Variants in ATXN3 observed in about 807,000 individuals in gnomAD.
ATXN3 encodes ataxin 3.
In ATXN3, 28 loss-of-function variants were observed where a neutral mutation model predicts 58.2. The ratio of observed to expected loss-of-function variants is 0.48; its 90% CI spans 0.36 to 0.66. The LOEUF is 0.66. ATXN3 is among the 30% of genes least tolerant of loss of function. The pLI, the probability that ATXN3 is intolerant of heterozygous loss-of-function variation, is 0.00. For missense variants in ATXN3, 321 were observed against 422.1 expected (o/e 0.76, Z 2.10); for synonymous variants, 113 against 138.5 (o/e 0.82, Z 1.29).
At chr14:92,068,915 A>T (rs1195152316) in intron 10 of ATXN3, among the ~76,000 whole-genome samples, 1 of 151,938 alleles carries the variant, frequency 6.6e-6, no homozygotes, top group African/African-American at 2.4e-5. Context: ...ACAAATGTTG[A>T]GGTGTTTTGG....
At chr14:92,052,832 G>A (rs1416391152), upstream of ATXN3, among the ~76,000 whole-genome samples, 2 of 152,164 alleles carry the variant, frequency 1.3e-5, no homozygotes, top group African/African-American at 4.8e-5. Context: ...TGAATATCCT[G>A]CCTCCAGACT....
At chr14:92,082,510 T>A (rs747520532) in intron 7 of ATXN3, 44 bp from the exon 8 acceptor site, 1 of 1,537,548 alleles carries the variant, frequency 6.5e-7, no homozygotes, top group Non-Finnish European at 8.9e-7. Flanking sequence ...CAATCTTCTA[T>A]TTTAGACATA....
At chr14:92,074,420 A>C (rs10143456) in intron 9 of ATXN3, among the ~76,000 whole-genome samples, 43,828 of 152,144 alleles carry the variant, frequency 0.29, 6,732 homozygotes, top group East Asian at 0.44. Context: ...GGGAGATGCC[A>C]GTCCCAAAAT....
upstream of ATXN3, among the ~76,000 whole-genome samples, chr14:92,050,143 C>T (rs199658494): frequency 6.1e-5 from 9 of 147,692 alleles, no homozygotes; most frequent in African/African-American, 5.0e-5. Context: ...ACTTTGCTCT[C>T]GTGTGTGTGT....
chr14:92,049,864 G>C (rs1402892267), upstream of ATXN3: 1 of 152,234 alleles, frequency 6.6e-6, no homozygotes, highest in Non-Finnish European at 1.5e-5. Flanking sequence ...GAGCAATCCA[G>C]GCAGAAAGAA....
chr14:92,092,465 C>T (rs2141031738), intron 5 of ATXN3, among the ~76,000 whole-genome samples: 1 of 152,330 alleles, frequency 6.6e-6, no homozygotes, highest in African/African-American at 2.4e-5. Context: ...GTACGTATTA[C>T]ATGGCTTTTG....
At position 92,082,351 on chromosome 14, in the gene ATXN3, T is replaced by A. The variant is rs767543973; in HGVS notation, c.724A>T (p.Met242Leu). 1.2e-6 allele frequency: 2 copies of A among 1,614,172 alleles called. No homozygotes were observed. Among genetic ancestry groups the A allele is most frequent in the Non-Finnish European group, 1.7e-6 (2 of 1,180,042 alleles). Residue 242 changes from methionine to leucine, a missense_variant, in exon 8 of 11, where the codon ATG becomes TTG. Coordinates refer to ENST00000644486, the MANE Select transcript of ATXN3 (RefSeq NM_004993.6). ...CGGAGATCTGCTTCCTCATCTTCCA[T>A]GTCAATTTCTTGGCGACTTAGTGCC... ...ALALSRQEID[M>L]EDEEADLRRA...
downstream of ATXN3, among the ~76,000 whole-genome samples, chr14:92,056,742 T>C (rs1317971333): frequency 1.3e-5 from 2 of 152,060 alleles, no homozygotes; most frequent in Non-Finnish European, 2.9e-5. Flanking sequence ...TCTGCAACCC[T>C]TAGGATTAAG....
intron 6 of ATXN3, 120 bp from the exon 7 acceptor site, chr14:92,083,378 CAG>C: frequency 1.0e-6 from 1 of 994,220 alleles, no homozygotes; most frequent in South Asian, 1.6e-5. Context: ...GCTGAGGATT[CAG>C]AAAGACTTTA....
At chr14:92,050,103 C>T (rs1027072658), upstream of ATXN3, among the ~76,000 whole-genome samples, 4 of 151,596 alleles carry the variant, frequency 2.6e-5, no homozygotes, top group African/African-American at 7.3e-5. Context: ...GATGTGATGT[C>T]TTGGATGTGC....
chr14:92,083,107 C>T lies in ATXN3; in HGVS notation c.608+19G>A, dbSNP rs2061764119. On this transcript the variant is annotated intron_variant, in intron 7 of 10. Coordinates refer to ENST00000644486, the MANE Select transcript of ATXN3 (RefSeq NM_004993.6). ...ATGAAATACTACCATATATTCCATA[C>T]TGCAGGCCTCATTTTTACCTTTGCT... The T allele has an allele frequency of 6.2e-7, 1 of 1,605,056 alleles. No homozygotes were observed. Among genetic ancestry groups the T allele is most frequent in the Admixed American group, 1.7e-5 (1 of 57,534 alleles).
intron 1 of ATXN3, chr14:92,049,519 T>G (rs1190965294): frequency 6.5e-6 from 1 of 153,212 alleles, no homozygotes; most frequent in East Asian, 1.9e-4. Context: ...GAAAAAGAAC[T>G]GGAATTGGAA....
intron 9 of ATXN3, among the ~76,000 whole-genome samples, chr14:92,076,646 A>G (rs1021038255): frequency 2.0e-5 from 3 of 151,808 alleles, no homozygotes; most frequent in African/African-American, 7.3e-5. Flanking sequence ...TTTTGACAAA[A>G]AAGACTCTGA....
At chr14:92,051,370 G>A (rs553927903), upstream of ATXN3, among the ~76,000 whole-genome samples, 2 of 152,254 alleles carry the variant, frequency 1.3e-5, no homozygotes, top group African/African-American at 4.8e-5. Context: ...ATTGTAAAGT[G>A]CTTCTGTTTT....
rs557300501 is a variant in ATXN3, at chr14:92,075,426, G to A, written c.873-4373C>T. On this transcript the variant is annotated intron_variant, in intron 9 of 10. Transcript: ENST00000644486. ...AGATGATTCGCCTGCCTTGGCCTCC[G>A]AAAGTGCTGGGATTACAAGCGTGAG... Among the ~76,000 whole-genome samples the A allele has an allele frequency of 1.1e-3, 169 of 152,146 alleles. 2 individuals carry two copies. Among genetic ancestry groups the A allele is most frequent in the Admixed American group, 0.011 (168 of 15,274 alleles).
rs747804276 is a variant in ATXN3 at position 92,071,044 on chromosome 14, T to TGCTGCTGCTGCTGCTGCTGCTGCTGC, written c.881_882insGCAGCAGCAGCAGCAGCAGCAGCAGC (p.Lys295GlnfsTer45). On this transcript the variant is annotated frameshift_variant, in exon 10 of 11. Coordinates refer to ENST00000644486, the MANE Select transcript of ATXN3 (RefSeq NM_004993.6). LOFTEE classifies it high-confidence loss of function. ...GCTGCTGCTGCTGCTGTTGCTGCTT[T>TGCTGCTGCTGCTGCTGCTGCTGCTGC]TGCTGCTGTCTGAAACATTCAAAAG... 1 of 376,952 alleles carries TGCTGCTGCTGCTGCTGCTGCTGCTGC rather than the reference T, an allele frequency of 2.7e-6. No individual in the cohort carries two copies. Among genetic ancestry groups the TGCTGCTGCTGCTGCTGCTGCTGCTGC allele is most frequent in the African/African-American group, 6.5e-5 (1 of 15,404 alleles). 23.4% of individuals were successfully genotyped at this position (376,952 alleles called of 1,614,324 possible).
intron 10 of ATXN3, among the ~76,000 whole-genome samples, chr14:92,065,798 G>A (rs565772024): frequency 6.6e-6 from 1 of 152,202 alleles, no homozygotes; most frequent in South Asian, 2.1e-4. Flanking sequence ...GGAGAATGGC[G>A]TGAACCCGGG....
In ATXN3 at chr14:92,094,360, C is replaced by A. The variant is rs992685573; in HGVS notation, c.235-529G>T. 3.3e-5 allele frequency among the ~76,000 whole-genome samples: 5 copies of A among 152,314 alleles called. No individual in the cohort carries two copies. The South Asian group carries it at 8.3e-4, about 25-fold the overall frequency. On this transcript the variant is annotated intron_variant, in intron 3 of 10. Transcript: ENST00000644486. ...CTCTGAGATGTTCCAGAAAACCACACAATTCCTAAATAAAACTGCCTCAAA... is the reference window on the plus strand; with the variant it reads ...CTCTGAGATGTTCCAGAAAACCACAAAATTCCTAAATAAAACTGCCTCAAA...
chr14:92,074,753 A>G (rs10145950), intron 9 of ATXN3, among the ~76,000 whole-genome samples: 43,830 of 152,118 alleles, frequency 0.29, 6,738 homozygotes, highest in East Asian at 0.44. Context: ...AAATTATACC[A>G]TATCACTGAA....
Sources: gnomAD v4.1 joint callset for allele counts (sites outside exome capture counted in the v4.1 genomes callset) on GRCh38, gnomAD v4.1.1 for gene constraint, MANE v1.5 for transcripts, NCBI Gene and HGNC (gene_info 2026-07-23, HGNC 2026-07-21) for gene names.